The following DMD variants were observed in gnomAD, a reference collection of about 807,000 sequenced individuals.
DMD encodes the protein dystrophin.
DMD carries 63 observed loss-of-function variants against 330.1 expected under a neutral mutation model. The ratio of observed to expected loss-of-function variants is 0.19; its 90% CI spans 0.16 to 0.24. The LOEUF is 0.24. Ranked by LOEUF, DMD falls within the 10% of genes least tolerant of loss-of-function variation. DMD has a pLI of 1.00. For synonymous variants in DMD, 1,223 were observed against 959.8 expected (o/e 1.27, Z -5.07); for missense variants, 3,344 against 2,684.1 (o/e 1.25, Z -5.43).
intron 7 of DMD, among the ~76,000 whole-genome samples, chrX:32,769,460 C>A (rs1002803537): frequency 1.8e-5 from 2 of 111,881 alleles, no homozygotes; most frequent in African/African-American, 6.5e-5. Flanking sequence ...GGTGGGGACA[C>A]AGCCAAACCA....
Position 33,009,945 on chromosome X carries a change from C to T in DMD, c.93+10194G>A, listed in dbSNP as rs201648491. ...GTGTATACACATGTGTGTATATACA[C>T]GTGTGTATGTGTATATACACATATG... On this transcript the variant is annotated intron_variant, in intron 2 of 78. Coordinates refer to ENST00000357033, the MANE Select transcript of DMD (RefSeq NM_004006.3). Among the ~76,000 whole-genome samples the T allele has an allele frequency of 6.2e-5, 3 of 48,005 alleles. 1 individual carries two copies. Among genetic ancestry groups the T allele is most frequent in the Non-Finnish European group, 1.0e-4 (3 of 29,876 alleles). The allele number at this position is 48,005 out of a possible 115,157, so 41.7% of individuals were successfully genotyped here. A position where few individuals can be genotyped will look rare whatever the true frequency, so the allele number is the denominator to read the frequency against.
At chrX:32,863,854 C>A (rs1158721257) in intron 2 of DMD, among the ~76,000 whole-genome samples, 2 of 112,299 alleles carry the variant, frequency 1.8e-5, no homozygotes, top group East Asian at 5.6e-4. Flanking sequence ...CCATCCTCCA[C>A]CTACTGGGAA....
chrX:31,946,235 T>C (rs1172769107), intron 45 of DMD, among the ~76,000 whole-genome samples: 1 of 111,538 alleles, frequency 9.0e-6, no homozygotes, highest in Non-Finnish European at 1.9e-5. Context: ...ACTATGTCAA[T>C]ATCAGCCGGA....
intron 9 of DMD, among the ~76,000 whole-genome samples, chrX:32,653,989 G>T (rs1192113295): frequency 8.9e-6 from 1 of 111,863 alleles, no homozygotes; most frequent in Admixed American, 9.5e-5. Context: ...TGTGATTTTT[G>T]CACATTGATT....
chrX:31,862,639 T>C (rs1426894009), intron 48 of DMD, among the ~76,000 whole-genome samples: 3 of 112,462 alleles, frequency 2.7e-5, no homozygotes, highest in East Asian at 2.8e-4. Context: ...ATACCACACG[T>C]AACACAATGT....
intron 44 of DMD, among the ~76,000 whole-genome samples, chrX:32,104,191 T>C (rs1015974809): frequency 5.4e-5 from 6 of 111,874 alleles, no homozygotes; most frequent in Non-Finnish European, 7.5e-5. Context: ...GTACTACATA[T>C]TCTTTGAATT....
At chrX:33,033,424 C>A (rs2094147966) in intron 1 of DMD, among the ~76,000 whole-genome samples, 1 of 108,342 alleles carries the variant, frequency 9.2e-6, no homozygotes, top group Non-Finnish European at 1.9e-5. Flanking sequence ...AATTAAGTAA[C>A]TTTTGGCCAG....
chrX:32,810,726 T>C (rs1053017319), intron 6 of DMD, among the ~76,000 whole-genome samples: 4 of 111,689 alleles, frequency 3.6e-5, no homozygotes, highest in African/African-American at 6.5e-5. Context: ...AATTAGTGCA[T>C]AGCAGAGTTG....
chrX:32,544,299 C>G, intron 17 of DMD, among the ~76,000 whole-genome samples: 1 of 111,758 alleles, frequency 8.9e-6, no homozygotes, highest in Non-Finnish European at 1.9e-5. Context: ...CTTAGAACAT[C>G]TGACATGGTA....
At position 32,491,448 on chromosome X, in the gene DMD, C is replaced by A. The variant is rs1468177610; in HGVS notation, c.2451G>T (p.Gln817His). The change falls in exon 20 of 79, where the codon CAG (glutamine) becomes CAT (histidine). Residue 817 changes from glutamine to histidine, a missense_variant. By Grantham distance (24) the Gln-to-His change is conservative (BLOSUM62 0). Coordinates refer to ENST00000357033, the MANE Select transcript of DMD (RefSeq NM_004006.3). ...GCCAGTTAAGTCTCTCACTTAGCAA[C>A]TGGCAGAATTCGATCCACCGGCTGT... ...QLNSRWIEFC[Q>H]LLSERLNWLE... 1.7e-6 allele frequency: 2 copies of A among 1,211,155 alleles called. No individual in the cohort carries two copies. The highest frequency in any genetic ancestry group is 1.8e-5 in the South Asian group (1 of 56,951).
chrX:31,229,184 C>G (rs923034608), intron 63 of DMD, among the ~76,000 whole-genome samples: 4 of 112,235 alleles, frequency 3.6e-5, no homozygotes, highest in Non-Finnish European at 5.6e-5. Flanking sequence ...CACATATCTA[C>G]ATGTTACATG....
intron 57 of DMD, among the ~76,000 whole-genome samples, chrX:31,482,255 A>C (rs2068362831): frequency 2.0e-5 from 2 of 98,268 alleles, no homozygotes; most frequent in African/African-American, 3.8e-5. Flanking sequence ...TGTTCTGTGC[A>C]TGGGGGACAG....
intron 7 of DMD, among the ~76,000 whole-genome samples, chrX:32,761,817 G>A (rs1408438331): frequency 9.0e-6 from 1 of 111,117 alleles, no homozygotes; most frequent in Non-Finnish European, 1.9e-5. Flanking sequence ...TCCATTAACA[G>A]TTTATAACGT....
At chrX:31,159,333 G>C (rs1041594471) in intron 74 of DMD, among the ~76,000 whole-genome samples, 1 of 111,322 alleles carries the variant, frequency 9.0e-6, no homozygotes, top group East Asian at 2.8e-4. Flanking sequence ...GGAAATTACA[G>C]GAAAAGAATC....
rs1716850833 is a variant in DMD, at chrX:32,308,277, C to G, written c.6117+1805G>C. Among the ~76,000 whole-genome samples the G allele has an allele frequency of 2.7e-5, 3 of 110,952 alleles. No homozygotes were observed. In the Admixed American group the frequency reaches 2.9e-4, roughly 11 times the overall value. ...CTTTCAAAAAAGATGTATGTTAAAG[C>G]ACAGCAATACTTACTATAGTTCTGT... On this transcript the variant is annotated intron_variant, in intron 42 of 78. Coordinates refer to ENST00000357033, the MANE Select transcript of DMD (RefSeq NM_004006.3).
intron 17 of DMD, among the ~76,000 whole-genome samples, chrX:32,537,843 G>A (rs749767272): frequency 1.6e-4 from 18 of 112,161 alleles, no homozygotes; most frequent in Admixed American, 1.9e-4. Context: ...GTCTTCTTTC[G>A]TGTTGATATT....
intron 60 of DMD, among the ~76,000 whole-genome samples, chrX:31,405,420 C>G (rs1214328603): frequency 9.0e-6 from 1 of 111,730 alleles, no homozygotes; most frequent in Non-Finnish European, 1.9e-5. Context: ...TCTGAGCACC[C>G]TTTTGTCCCT....
At chrX:32,657,188 CTT>C (rs1056893209) in intron 9 of DMD, among the ~76,000 whole-genome samples, 3 of 110,657 alleles carry the variant, frequency 2.7e-5, no homozygotes, top group African/African-American at 9.9e-5. Flanking sequence ...ACAATAGAAC[CTT>C]TCTCATAAAA....
intron 1 of DMD, among the ~76,000 whole-genome samples, chrX:33,083,588 G>A (rs1358164734): frequency 9.0e-6 from 1 of 111,611 alleles, no homozygotes; most frequent in Non-Finnish European, 1.9e-5. Flanking sequence ...AGTTAGGCAT[G>A]CTGGACTTCT....
Sources: allele counts gnomAD v4.1 joint callset (sites outside exome capture counted in the v4.1 genomes callset), GRCh38; gene constraint gnomAD v4.1.1; transcripts MANE v1.5; gene names NCBI Gene and HGNC (gene_info 2026-07-23, HGNC 2026-07-21).